The following UST variants were observed in gnomAD, a reference collection of about 807,000 sequenced individuals.
UST encodes the protein uronyl 2-sulfotransferase.
In UST, 21 loss-of-function variants were observed where a neutral mutation model predicts 45.6. The observed-to-expected ratio is 0.46, with a 90% CI of 0.33 to 0.66. The LOEUF is 0.66. Among genes scored for constraint, UST ranks in the 30% least tolerant of loss-of-function variants. The pLI, the probability that UST is intolerant of heterozygous loss-of-function variation, is 0.02. For synonymous variants in UST, 215 were observed against 200.6 expected (o/e 1.07, Z -0.61); for missense variants, 463 against 512.4 (o/e 0.90, Z 0.93).
intron 1 of UST, among the ~76,000 whole-genome samples, chr6:148,812,202 A>C (rs551876855): frequency 1.3e-5 from 2 of 152,282 alleles, no homozygotes; most frequent in Admixed American, 1.3e-4. Flanking sequence ...TAATTAGTGC[A>C]TGTATCTGCA....
At chr6:149,071,495 C>G (rs1230880287) in intron 7 of UST, among the ~76,000 whole-genome samples, 1 of 151,386 alleles carries the variant, frequency 6.6e-6, no homozygotes, top group South Asian at 2.1e-4. Context: ...AAAAGACAGG[C>G]AATAAGAAGA....
At chr6:148,846,341 G>T (rs1029468008) in intron 1 of UST, among the ~76,000 whole-genome samples, 1 of 151,822 alleles carries the variant, frequency 6.6e-6, no homozygotes. Context: ...GTAAACTATC[G>T]CAAGGACAAA....
chr6:149,000,925 A>G (rs1261371105), intron 5 of UST, among the ~76,000 whole-genome samples: 3 of 152,234 alleles, frequency 2.0e-5, no homozygotes, highest in African/African-American at 7.2e-5. Context: ...AGATAGACAG[A>G]TAGAGCAGTT....
chr6:148,778,871 C>T (rs1454594951), intron 1 of UST, among the ~76,000 whole-genome samples: 1 of 152,096 alleles, frequency 6.6e-6, no homozygotes, highest in Non-Finnish European at 1.5e-5. Context: ...CCAAGGCCCA[C>T]CCCCCTCCAT....
chr6:149,019,167 A>C lies in UST; in HGVS notation c.710A>C (p.Tyr237Ser). The change falls in exon 6 of 8, where the codon TAT becomes TCT. Residue 237 changes from tyrosine (Y) to serine (S), a missense_variant. Tyr to Ser is a moderately radical substitution (Grantham distance 144). Around this residue, in one of 2 missense-constraint regions of UST, gnomAD observed 287 missense variants for 374.2 expected, o/e 0.77. Coordinates refer to ENST00000367463, the MANE Select transcript of UST (RefSeq NM_005715.3). ...LDINECILENYPECSNPRLFY... is the reference protein window; with the variant it reads ...LDINECILENSPECSNPRLFY... ...ATCAATGAGTGTATTCTTGAAAACT[A>C]TCCCGAGTGCTCCAACCCCAGGTTA... 2 of 1,614,080 alleles carry C rather than the reference A, an allele frequency of 1.2e-6. No homozygotes were observed. The highest frequency in any genetic ancestry group is 3.3e-5 in the Admixed American group (2 of 60,010).
chr6:148,794,269 C>G (rs1776906482), intron 1 of UST, among the ~76,000 whole-genome samples: 1 of 152,160 alleles, frequency 6.6e-6, no homozygotes, highest in African/African-American at 2.4e-5. Context: ...TTTGATGGCT[C>G]AAGATGAACC....
At chr6:148,773,155 T>C (rs564717312) in intron 1 of UST, among the ~76,000 whole-genome samples, 1 of 152,334 alleles carries the variant, frequency 6.6e-6, no homozygotes, top group African/African-American at 2.4e-5. Flanking sequence ...TAAATTTATA[T>C]GAATTTTAAA....
At chr6:149,051,677 A>G (rs1358227709) in intron 7 of UST, among the ~76,000 whole-genome samples, 6 of 152,178 alleles carry the variant, frequency 3.9e-5, no homozygotes, top group African/African-American at 7.2e-5. Context: ...TCCCCTTTGT[A>G]TCTCCACTTT....
At chr6:149,005,437 C>T (rs903750806) in intron 5 of UST, 2 of 985,298 alleles carry the variant, frequency 2.0e-6, no homozygotes, top group East Asian at 2.3e-4. Flanking sequence ...AGAAAAAGGG[C>T]ATGCAACCTC....
At chr6:148,929,031 T>C (rs1414180538) in intron 2 of UST, among the ~76,000 whole-genome samples, 2 of 152,224 alleles carry the variant, frequency 1.3e-5, no homozygotes, top group Non-Finnish European at 2.9e-5. Flanking sequence ...CCTTCGCACA[T>C]GTTGAGAATG....
In UST at chr6:148,824,398, G is replaced by A. The variant is rs550482751; in HGVS notation, c.248-62588G>A. Among the ~76,000 whole-genome samples, 33 of 152,308 alleles carry A rather than the reference G, an allele frequency of 2.2e-4. No homozygotes were observed. In the South Asian group the frequency reaches 3.3e-3, roughly 15 times the overall value. The stretch of plus-strand genomic sequence containing the variant: ...TGGCCTCCTGCTCAACAAGCTCAGA[G>A]CCAATGTACAGTACTTGGTCAGCAA... On this transcript the variant is annotated intron_variant, in intron 1 of 7. Transcript: ENST00000367463.
At chr6:148,967,149 G>A (rs1291280562) in intron 5 of UST, among the ~76,000 whole-genome samples, 1 of 152,216 alleles carries the variant, frequency 6.6e-6, no homozygotes, top group Non-Finnish European at 1.5e-5. Context: ...TTGAGAGATT[G>A]TAGAGAGATT....
intron 1 of UST, among the ~76,000 whole-genome samples, chr6:148,879,337 A>G (rs111878129): frequency 3.2e-4 from 48 of 152,350 alleles, no homozygotes; most frequent in African/African-American, 1.1e-3. Flanking sequence ...AAATGATGGA[A>G]GTGGCCTGAG....
chr6:148,977,056 T>A (rs1412405722), intron 5 of UST, among the ~76,000 whole-genome samples: 1 of 152,012 alleles, frequency 6.6e-6, no homozygotes, highest in South Asian at 2.1e-4. Flanking sequence ...AACATATCAA[T>A]GTAGTTTCTT....
At chr6:148,797,744 C>G (rs958543697) in intron 1 of UST, among the ~76,000 whole-genome samples, 4 of 151,990 alleles carry the variant, frequency 2.6e-5, no homozygotes, top group Non-Finnish European at 5.9e-5. Flanking sequence ...AGGAGTTGTT[C>G]ATAGGAAGGA....
intron 7 of UST, among the ~76,000 whole-genome samples, chr6:149,056,382 C>T (rs369275042): frequency 6.6e-6 from 1 of 152,140 alleles, no homozygotes; most frequent in African/African-American, 2.4e-5. Flanking sequence ...GCTGGGATTA[C>T]AGGCCTAAGC....
At chr6:148,808,799 G>A (rs1248856473) in intron 1 of UST, among the ~76,000 whole-genome samples, 1 of 152,074 alleles carries the variant, frequency 6.6e-6, no homozygotes, top group Non-Finnish European at 1.5e-5. Context: ...CCTCATGATG[G>A]GATTAGTGCC....
At chr6:148,897,164 A>T (rs7769259) in intron 2 of UST, among the ~76,000 whole-genome samples, 133,111 of 152,098 alleles carry the variant, frequency 0.88, 59,378 homozygotes, top group Non-Finnish European at 0.96. Flanking sequence ...TTTTACTTTT[A>T]AAATTTTTTT....
Position 148,866,154 on chromosome 6 carries a change from C to T in UST, c.248-20832C>T, listed in dbSNP as rs1368092323. 6.2e-5 allele frequency among the ~76,000 whole-genome samples: 6 copies of T among 96,366 alleles called. No homozygotes were observed. In the East Asian group the frequency reaches 2.0e-3, roughly 33 times the overall value. The allele number at this position is 96,366 out of a possible 152,430, so 63.2% of individuals were successfully genotyped here. ...TTTTATAATCAATATTTAGTGATAA[C>T]TAAATATATTTAGTGATAACTAAAT... is the stretch of plus-strand genomic sequence containing the variant. On this transcript the variant is annotated intron_variant, in intron 1 of 7. Transcript: ENST00000367463.
Sources: gnomAD v4.1 joint callset for allele counts (sites outside exome capture counted in the v4.1 genomes callset) on GRCh38, gnomAD v4.1.1 for gene constraint, gnomAD v4.1.1 regional missense constraint, MANE v1.5 for transcripts, NCBI Gene and HGNC (gene_info 2026-07-23, HGNC 2026-07-21) for gene names.